HECW2: variants seen among roughly 807,000 people sequenced by gnomAD.
The protein encoded by HECW2 is E3 ubiquitin-protein ligase HECW2.
A neutral mutation model predicts 175.2 loss-of-function variants in HECW2; 61 were observed. That is an observed-to-expected ratio of 0.35 (90% CI 0.28 to 0.43). The LOEUF is 0.43. Among genes scored for constraint, HECW2 ranks in the 20% least tolerant of loss-of-function variants. HECW2 has a pLI of 1.00. For synonymous variants in HECW2, 671 were observed against 731.0 expected, an observed-to-expected ratio of 0.92 and a Z score of 1.32; for missense variants, 1,524 against 2,000.5, an observed-to-expected ratio of 0.76 and a Z score of 4.54.
intron 17 of HECW2, among the ~76,000 whole-genome samples, chr2:196,267,361 G>A (rs1424329141): frequency 6.6e-6 from 1 of 152,098 alleles, no homozygotes; most frequent in Non-Finnish European, 1.5e-5. Flanking sequence ...TAAAATGTTA[G>A]AACTTTTTTT....
At chr2:196,593,383 C>G (rs963803302) in intron 1 of HECW2, 125 bp downstream of exon 1, 1 of 151,104 alleles carries the variant, frequency 6.6e-6, no homozygotes, top group African/African-American at 2.4e-5. Context: ...CTCCAGGCGC[C>G]GACCCGCCTG....
chr2:196,315,224 C>T (rs558329142), intron 10 of HECW2, among the ~76,000 whole-genome samples: 1 of 151,312 alleles, frequency 6.6e-6, no homozygotes, highest in Non-Finnish European at 1.5e-5. Context: ...GGCATCTTCA[C>T]TTCTGAGTTT....
intron 14 of HECW2, among the ~76,000 whole-genome samples, chr2:196,281,534 G>A (rs1690185117): frequency 6.6e-6 from 1 of 150,918 alleles, no homozygotes; most frequent in Non-Finnish European, 1.5e-5. Flanking sequence ...CAGCTACTTG[G>A]GAGGCTGAAG....
intron 13 of HECW2, among the ~76,000 whole-genome samples, chr2:196,294,305 G>T (rs73988143): frequency 0.025 from 3,750 of 152,214 alleles, 164 homozygotes; most frequent in African/African-American, 0.086. Context: ...AATCATCAGA[G>T]GGAATATGAT....
chr2:196,251,356 T>C (rs1688847045), intron 19 of HECW2, among the ~76,000 whole-genome samples: 1 of 152,158 alleles, frequency 6.6e-6, no homozygotes, highest in Non-Finnish European at 1.5e-5. Flanking sequence ...CTCTATTTCC[T>C]CTCCTTTTCA....
chr2:196,496,488 A>G (rs1687398186), intron 1 of HECW2, among the ~76,000 whole-genome samples: 1 of 152,170 alleles, frequency 6.6e-6, no homozygotes, highest in Admixed American at 6.5e-5. Context: ...TTCTATCAGG[A>G]TGACTAATCT....
chr2:196,500,868 G>C (rs1687555644), intron 1 of HECW2, among the ~76,000 whole-genome samples: 1 of 152,062 alleles, frequency 6.6e-6, no homozygotes, highest in African/African-American at 2.4e-5. Flanking sequence ...ACCTATCCAG[G>C]ACTCAACACT....
At chr2:196,320,057 G>A in intron 8 of HECW2, 153 bp from the exon 9 acceptor site, 1 of 766,512 alleles carries the variant, frequency 1.3e-6, no homozygotes, top group East Asian at 2.7e-5. Flanking sequence ...ACTACTAAAT[G>A]AGGAGACTGC....
At chr2:196,505,236 A>C (rs146912715) in intron 1 of HECW2, among the ~76,000 whole-genome samples, 40 of 152,316 alleles carry the variant, frequency 2.6e-4, no homozygotes, top group African/African-American at 8.7e-4. Context: ...CAAAAACAGC[A>C]ATTAATAAAC....
chr2:196,341,284 T>G (rs1229062010), intron 3 of HECW2, among the ~76,000 whole-genome samples: 7 of 151,856 alleles, frequency 4.6e-5, no homozygotes, highest in Non-Finnish European at 8.8e-5. Context: ...GGAGTGATTT[T>G]GCCAAAATCA....
chr2:196,466,299 C>T (rs941256122), intron 1 of HECW2, among the ~76,000 whole-genome samples: 2 of 152,186 alleles, frequency 1.3e-5, no homozygotes, highest in African/African-American at 4.8e-5. Context: ...AGGTTGTTGG[C>T]TTGAATTAAG....
chr2:196,393,335 A>C (rs1039274455), intron 2 of HECW2, among the ~76,000 whole-genome samples: 4 of 152,246 alleles, frequency 2.6e-5, no homozygotes, highest in African/African-American at 9.6e-5. Flanking sequence ...TCTGCACAGC[A>C]AAAGAAACTA....
At chr2:196,481,488 C>T (rs1325710138) in intron 1 of HECW2, among the ~76,000 whole-genome samples, 1 of 152,170 alleles carries the variant, frequency 6.6e-6, no homozygotes, top group Non-Finnish European at 1.5e-5. Flanking sequence ...GTGGAAACCA[C>T]CGGCAGACCA....
chr2:196,203,225 A>C (rs1450557496), intron 28 of HECW2, among the ~76,000 whole-genome samples: 1 of 152,196 alleles, frequency 6.6e-6, no homozygotes, highest in African/African-American at 2.4e-5. Flanking sequence ...GAAATCATCT[A>C]ATGAATCTTT....
intron 21 of HECW2, among the ~76,000 whole-genome samples, chr2:196,236,883 T>C (rs770752657): frequency 3.3e-5 from 5 of 152,220 alleles, no homozygotes; most frequent in Non-Finnish European, 5.9e-5. Flanking sequence ...GTTTCTCTAC[T>C]GTGAAGTTAC....
intron 4 of HECW2, 74 bp from the exon 5 acceptor site, chr2:196,329,724 T>C (rs1692287825): frequency 1.7e-6 from 2 of 1,153,452 alleles, no homozygotes; most frequent in African/African-American, 1.5e-5. Context: ...AAACCATGTA[T>C]GTTCCTAAAT....
At chr2:196,312,635 T>A (rs1486117933) in intron 10 of HECW2, among the ~76,000 whole-genome samples, 1 of 152,186 alleles carries the variant, frequency 6.6e-6, no homozygotes, top group African/African-American at 2.4e-5. Context: ...ACTTCTAGAA[T>A]GCTGATGGCG....
intron 1 of HECW2, among the ~76,000 whole-genome samples, chr2:196,434,354 C>T (rs1463612129): frequency 6.6e-6 from 1 of 152,168 alleles, no homozygotes; most frequent in African/African-American, 2.4e-5. Flanking sequence ...GGCTGGTCCA[C>T]ATTATTTGGG....
chr2:196,437,714 G>C (rs1274663491), intron 1 of HECW2, among the ~76,000 whole-genome samples: 1 of 152,044 alleles, frequency 6.6e-6, no homozygotes, highest in Non-Finnish European at 1.5e-5. Flanking sequence ...GCTCCATGAG[G>C]TTAGGCCCAT....
Sources: allele counts gnomAD v4.1 joint callset (sites outside exome capture counted in the v4.1 genomes callset), GRCh38; gene constraint gnomAD v4.1.1; transcripts MANE v1.5; gene names NCBI Gene and HGNC (gene_info 2026-07-23, HGNC 2026-07-21).